The following DDIAS variants were observed in gnomAD, a reference collection of about 807,000 sequenced individuals.
DDIAS encodes the protein DNA damage induced apoptosis suppressor, also known as DNA damage-induced apoptosis suppressor protein.
A neutral mutation model predicts 15.7 loss-of-function variants in DDIAS; 14 were observed. The ratio of observed to expected loss-of-function variants is 0.89; its 90% confidence interval spans 0.59 to 1.39. The LOEUF is 1.39. Ranked by LOEUF, DDIAS falls within the 40% of genes most tolerant of loss-of-function variation. The pLI is 0.00. For missense variants in DDIAS, 1,035 were observed against 1,130.9 expected (o/e 0.92, Z 1.22); for synonymous variants, 355 against 395.9 (o/e 0.90, Z 1.23).
chr11:82,927,041 T>C (rs935976080), intron 3 of DDIAS, among the ~76,000 whole-genome samples: 1 of 152,170 alleles, frequency 6.6e-6, no homozygotes, highest in Non-Finnish European at 1.5e-5. Flanking sequence ...TTGGGTCATA[T>C]ATTTACCAAC....
At chr11:82,916,365 G>C (rs1259871447) in intron 3 of DDIAS, among the ~76,000 whole-genome samples, 1 of 152,040 alleles carries the variant, frequency 6.6e-6, no homozygotes, top group African/African-American at 2.4e-5. Flanking sequence ...TAATTCTCTG[G>C]AGCTGACTGC....
intron 1 of DDIAS, among the ~76,000 whole-genome samples, chr11:82,906,291 T>C (rs1225824414): frequency 6.6e-6 from 1 of 152,150 alleles, no homozygotes; most frequent in Non-Finnish European, 1.5e-5. Flanking sequence ...GTAAAAATAC[T>C]AATGATCCCT....
At chr11:82,930,049 C>G (rs1860950375) in intron 4 of DDIAS, 108 bp from the exon 5 acceptor site, 2 of 635,078 alleles carry the variant, frequency 3.1e-6, no homozygotes, top group South Asian at 2.2e-5. Flanking sequence ...TTTTTTTCCT[C>G]TATAAAAGGT....
intron 1 of DDIAS, among the ~76,000 whole-genome samples, chr11:82,911,048 T>TA (rs1441855134): frequency 6.6e-6 from 1 of 152,170 alleles, no homozygotes; most frequent in Non-Finnish European, 1.5e-5. Context: ...ACATCTTAAT[T>TA]AAAAAACACT....
chr11:82,914,885 A>C, intron 3 of DDIAS, 34 bp downstream of exon 3: 1 of 1,369,564 alleles, frequency 7.3e-7, no homozygotes, highest in Non-Finnish European at 1.0e-6. Flanking sequence ...GAGAGAGGAA[A>C]TACAAATGCA....
At chr11:82,905,547 C>G (rs1421247116) in intron 1 of DDIAS, among the ~76,000 whole-genome samples, 2 of 152,130 alleles carry the variant, frequency 1.3e-5, no homozygotes, top group Non-Finnish European at 2.9e-5. Context: ...ACTTTCCTAA[C>G]TATCCTCTTC....
Position 82,933,512 on chromosome 11 carries a change from A to G in DDIAS, c.2174A>G (p.Glu725Gly), listed in dbSNP as rs1403867800. The G allele has an allele frequency of 1.9e-6, 3 of 1,614,040 alleles. No homozygotes were observed. In the Admixed American group the frequency reaches 5.0e-5, roughly 27 times the overall value. The change falls in exon 6 of 6, where the codon GAA becomes GGA. Residue 725 changes from glutamate (E) to glycine (G), a missense_variant. Glu to Gly is a moderately conservative substitution (Grantham distance 98). Transcript: ENST00000533655. ...ESDFSLRSLS[E>G]DFIQPSQKLS... Reference sequence around the variant, plus strand: ...GATTTTTCACTGAGATCACTTTCTGAAGACTTCATCCAGCCTTCACAAAAA... The same window carrying G: ...GATTTTTCACTGAGATCACTTTCTGGAGACTTCATCCAGCCTTCACAAAAA...
chr11:82,914,973 T>G (rs962402425), intron 3 of DDIAS, 122 bp downstream of exon 3: 9 of 626,456 alleles, frequency 1.4e-5, no homozygotes, highest in African/African-American at 1.3e-4. Context: ...AGGGGTTGGT[T>G]CTTCTGTAAA....
At position 82,925,207 on chromosome 11, in the gene DDIAS, G is replaced by C. The variant is rs542746070; in HGVS notation, c.114-3570G>C. Among the ~76,000 whole-genome samples the C allele has an allele frequency of 5.3e-5, 8 of 152,260 alleles. No homozygotes were observed. The South Asian group carries it at 1.7e-3, about 32-fold the overall frequency. On this transcript the variant is annotated intron_variant, in intron 3 of 5. Transcript: ENST00000533655. Reference sequence around the variant, plus strand: ...TTTTTCATAAAAGTATGTTTTTTGTGTTAACCATGTAAAGGGTCTGTTTTT... The same window carrying C: ...TTTTTCATAAAAGTATGTTTTTTGTCTTAACCATGTAAAGGGTCTGTTTTT...
chr11:82,913,037 G>A (rs1010406627), intron 1 of DDIAS, among the ~76,000 whole-genome samples: 3 of 152,120 alleles, frequency 2.0e-5, no homozygotes, highest in Non-Finnish European at 4.4e-5. Flanking sequence ...AAACATCACT[G>A]ATCACAAGTC....
intron 3 of DDIAS, among the ~76,000 whole-genome samples, chr11:82,925,703 T>C (rs540810659): frequency 1.4e-4 from 21 of 152,132 alleles, no homozygotes; most frequent in Non-Finnish European, 2.8e-4. Flanking sequence ...AATTCGACTA[T>C]GGTAGCCAGG....
intron 3 of DDIAS, among the ~76,000 whole-genome samples, chr11:82,928,381 A>G (rs1860912613): frequency 6.6e-6 from 1 of 151,196 alleles, no homozygotes; most frequent in South Asian, 2.1e-4. Flanking sequence ...ATGTATTTTT[A>G]GTAGAGACAG....
At chr11:82,917,250 C>T (rs1393356265) in intron 3 of DDIAS, among the ~76,000 whole-genome samples, 10 of 152,060 alleles carry the variant, frequency 6.6e-5, no homozygotes, top group Admixed American at 3.3e-4. Context: ...ACCCATCACC[C>T]GAGCAGTATA....
chr11:82,907,688 C>T (rs1447410033), intron 1 of DDIAS, among the ~76,000 whole-genome samples: 4 of 152,200 alleles, frequency 2.6e-5, no homozygotes, highest in Admixed American at 2.0e-4. Context: ...TACAAGCATG[C>T]ACCACCATGC....
chr11:82,928,384 A>G (rs183869606), intron 3 of DDIAS, among the ~76,000 whole-genome samples: 20 of 151,474 alleles, frequency 1.3e-4, no homozygotes, highest in African/African-American at 4.6e-4. Flanking sequence ...TATTTTTAGT[A>G]GAGACAGGGT....
Position 82,928,787 on chromosome 11 carries a change from C to T in DDIAS, c.124C>T (p.Pro42Ser), listed in dbSNP as rs1451242373. Reference protein sequence around the residue: ...IILVSKRSNCPKCGSTGESGN... With the variant: ...IILVSKRSNCSKCGSTGESGN... ...CCACCACTTTTCTAGGTCTAATTGT[C>T]CAAAATGTGGCTCTACTGGTGAATC... is the stretch of plus-strand genomic sequence containing the variant. Residue 42 changes from proline to serine, a missense_variant, in exon 4 of 6, where the codon CCA becomes TCA. Pro to Ser is a moderately conservative substitution (Grantham distance 74). Transcript: ENST00000533655. The T allele has an allele frequency of 6.2e-7, 1 of 1,613,250 alleles. No individual in the cohort carries two copies. Among genetic ancestry groups the T allele is most frequent in the African/African-American group, 1.3e-5 (1 of 74,988 alleles).
In DDIAS at chr11:82,932,019, C is replaced by T; in HGVS notation, c.681C>T (p.Phe227=). 6.2e-7 allele frequency: 1 copy of T among 1,614,146 alleles called. No individual in the cohort carries two copies. Among genetic ancestry groups the T allele is most frequent in the South Asian group, 1.1e-5 (1 of 91,082 alleles). The change falls in exon 6 of 6, where the codon TTC becomes TTT. Residue 227 remains phenylalanine (F), a synonymous_variant. Coordinates refer to ENST00000533655, the MANE Select transcript of DDIAS (RefSeq NM_145018.4). ...CTTCTGACAGCACTTCTGATTTTTT[C>T]AAGTCCTGCAGCAAGGATACTTTTT... ...IYTSDSTSDF[F]KSCSKDTFSK... is the part of the protein sequence containing the mutation.
At chr11:82,923,871 A>G (rs1860806316) in intron 3 of DDIAS, among the ~76,000 whole-genome samples, 1 of 152,230 alleles carries the variant, frequency 6.6e-6, no homozygotes. Context: ...GTAACTACAC[A>G]TACACACACA....
Position 82,933,362 on chromosome 11 carries a change from C to G in DDIAS, c.2024C>G (p.Ala675Gly), listed in dbSNP as rs1421771878. The change falls in exon 6 of 6, where the codon GCC (alanine) becomes GGC (glycine). Residue 675 changes from alanine (A) to glycine (G), a missense_variant. Physicochemically the swap from Ala to Gly is moderately conservative, Grantham distance 60 (BLOSUM62 0). Coordinates refer to ENST00000533655, the MANE Select transcript of DDIAS (RefSeq NM_145018.4). ...YSIGYEGSYD[A>G]SADLFDDIAK... ...ATTGGTTATGAAGGTAGCTATGATGCCTCTGCTGATCTCTTTGATGATATT... is the reference window on the plus strand; with the variant it reads ...ATTGGTTATGAAGGTAGCTATGATGGCTCTGCTGATCTCTTTGATGATATT... 4 of 1,613,804 alleles carry G rather than the reference C, an allele frequency of 2.5e-6. No homozygotes were observed. Among genetic ancestry groups the G allele is most frequent in the Admixed American group, 1.7e-5 (1 of 59,992 alleles).
Sources: gnomAD v4.1 joint callset for allele counts (sites outside exome capture counted in the v4.1 genomes callset) on GRCh38, gnomAD v4.1.1 for gene constraint, MANE v1.5 for transcripts, NCBI Gene and HGNC (gene_info 2026-07-23, HGNC 2026-07-21) for gene names.